PDE11A: variants seen among roughly 807,000 people sequenced by gnomAD.
PDE11A encodes dual 3',5'-cyclic-AMP and -GMP phosphodiesterase 11A.
In PDE11A, 100 loss-of-function variants were observed where a neutral mutation model predicts 100.5. The observed-to-expected ratio is 1.00, with a 90% confidence interval of 0.85 to 1.18. The LOEUF (loss-of-function observed/expected upper bound fraction) is 1.18. PDE11A is among the 50% of genes most tolerant of loss of function. PDE11A has a pLI of 0.00. For synonymous variants in PDE11A, 381 were observed against 420.8 expected, an observed-to-expected ratio of 0.91 and a Z score of 1.16; for missense variants, 1,141 against 1,152.6, an observed-to-expected ratio of 0.99 and a Z score of 0.15.
At chr2:177,630,478 G>A (rs1030492381) in intron 19 of PDE11A, among the ~76,000 whole-genome samples, 2 of 152,102 alleles carry the variant, frequency 1.3e-5, no homozygotes, top group African/African-American at 2.4e-5. Context: ...CCAAGATAGG[G>A]GGTAACATGG....
intron 9 of PDE11A, among the ~76,000 whole-genome samples, chr2:177,810,084 C>T (rs932211877): frequency 3.3e-5 from 4 of 119,858 alleles, no homozygotes; most frequent in Admixed American, 7.9e-5. Flanking sequence ...CAAATAAAAG[C>T]GCAACTCTGT....
intron 2 of PDE11A, among the ~76,000 whole-genome samples, chr2:177,922,552 C>G (rs2085067602): frequency 6.6e-6 from 1 of 152,214 alleles, no homozygotes; most frequent in Admixed American, 6.5e-5. Context: ...AAGGCACCAT[C>G]TTGCCACAAA....
At chr2:177,933,068 C>CCACACACACACACACA (rs58818826) in intron 2 of PDE11A, among the ~76,000 whole-genome samples, 2 of 146,898 alleles carry the variant, frequency 1.4e-5, no homozygotes, top group African/African-American at 2.5e-5. Context: ...TTTACAATAG[C>CCACACACACACACACA]CACACACACA....
chr2:177,873,494 AC>A (rs1385995238), intron 5 of PDE11A, among the ~76,000 whole-genome samples: 5 of 152,320 alleles, frequency 3.3e-5, no homozygotes, highest in East Asian at 1.9e-4. Context: ...AAAACCTCTT[AC>A]CAAAGACCTC....
intron 9 of PDE11A, among the ~76,000 whole-genome samples, chr2:177,810,171 A>G (rs1200019378): frequency 6.6e-6 from 1 of 152,212 alleles, no homozygotes; most frequent in Non-Finnish European, 1.5e-5. Flanking sequence ...CAAGACTGCC[A>G]CTAAGAGTGA....
At chr2:177,802,741 A>G (rs1171032026) in intron 9 of PDE11A, among the ~76,000 whole-genome samples, 2 of 152,022 alleles carry the variant, frequency 1.3e-5, no homozygotes, top group African/African-American at 4.8e-5. Context: ...GGGTGATAAT[A>G]TATCAAGACA....
chr2:177,626,191 A>T lies in PDE11A; in HGVS notation c.*3216T>A, dbSNP rs1194917943. ...GCTTGTAGGGTTTATGCTATAAATT[A>T]TGTTCCCCTTAGCAATATGTAGCAT... On this transcript the variant is annotated 3_prime_UTR_variant, in exon 20 of 20. Transcript: ENST00000286063. 1 of 152,658 alleles carries T rather than the reference A, an allele frequency of 6.6e-6. No homozygotes were observed. Among genetic ancestry groups the T allele is most frequent in the Non-Finnish European group, 1.5e-5 (1 of 68,036 alleles). 9.5% of individuals were successfully genotyped at this position (152,658 alleles called of 1,614,324 possible). A position where few individuals can be genotyped will look rare whatever the true frequency, so the allele number is the denominator to read the frequency against.
chr2:177,675,581 G>T, intron 16 of PDE11A, 63 bp from the exon 17 acceptor site: 1 of 1,160,148 alleles, frequency 8.6e-7, no homozygotes, highest in Non-Finnish European at 1.3e-6. Flanking sequence ...AAACAAACCC[G>T]TCCTAGATAC....
At chr2:177,728,309 C>G (rs181529173) in intron 10 of PDE11A, 137 bp from the exon 11 acceptor site, 4 of 688,310 alleles carry the variant, frequency 5.8e-6, no homozygotes, top group Admixed American at 2.1e-5. Context: ...CAGCTAAACT[C>G]TGAGCTGTAA....
At chr2:177,829,150 T>C (rs6746962) in intron 6 of PDE11A, among the ~76,000 whole-genome samples, 143,857 of 151,926 alleles carry the variant, frequency 0.95, 68,602 homozygotes, top group East Asian at 1. Context: ...CCTGAAGGAT[T>C]GTGTTGCCTC....
At chr2:177,635,183 AC>A (rs2080021192) in intron 19 of PDE11A, among the ~76,000 whole-genome samples, 1 of 152,088 alleles carries the variant, frequency 6.6e-6, no homozygotes, top group Admixed American at 6.5e-5. Flanking sequence ...TGAAATCTAT[AC>A]CCCTGTAACT....
intron 10 of PDE11A, among the ~76,000 whole-genome samples, chr2:177,767,812 A>T (rs1010552040): frequency 6.6e-6 from 1 of 152,178 alleles, no homozygotes. Flanking sequence ...ATTGAGTGTT[A>T]CTATGTCCCA....
chr2:177,798,168 T>A (rs2082732189), intron 9 of PDE11A, among the ~76,000 whole-genome samples: 1 of 152,190 alleles, frequency 6.6e-6, no homozygotes, highest in Admixed American at 6.5e-5. Flanking sequence ...TTAGAAATTG[T>A]ATAGCTCACT....
chr2:177,718,195 T>C (rs1273148830), intron 12 of PDE11A, among the ~76,000 whole-genome samples: 1 of 152,246 alleles, frequency 6.6e-6, no homozygotes, highest in Non-Finnish European at 1.5e-5. Context: ...CATTTAATCC[T>C]TACAAGAACT....
intron 5 of PDE11A, among the ~76,000 whole-genome samples, chr2:177,864,975 T>C (rs1165558608): frequency 6.6e-6 from 1 of 152,128 alleles, no homozygotes; most frequent in African/African-American, 2.4e-5. Flanking sequence ...GCAAAAAGCA[T>C]GGTCATTAAA....
intron 2 of PDE11A, among the ~76,000 whole-genome samples, chr2:178,097,283 C>T (rs575684933): frequency 9.2e-5 from 14 of 152,094 alleles, no homozygotes; most frequent in African/African-American, 3.1e-4. Flanking sequence ...AAGAAATACC[C>T]GAGACTAGGT....
At chr2:177,631,512 AATATATATATATATATATAT>A (rs1180694998) in intron 19 of PDE11A, among the ~76,000 whole-genome samples, 6 of 10,782 alleles carry the variant, frequency 5.6e-4, no homozygotes, top group Admixed American at 2.0e-3. Context: ...AAAAAAAAAA[AATATATATATATATATATAT>A]ATATATATAT....
intron 9 of PDE11A, among the ~76,000 whole-genome samples, chr2:177,782,523 T>C (rs928941490): frequency 2.7e-4 from 41 of 152,364 alleles, no homozygotes; most frequent in Middle Eastern, 3.4e-3. Context: ...TGAAATACTA[T>C]GGAAATTCAA....
chr2:177,916,257 T>C (rs2084952032), intron 2 of PDE11A, among the ~76,000 whole-genome samples: 1 of 152,234 alleles, frequency 6.6e-6, no homozygotes, highest in Non-Finnish European at 1.5e-5. Context: ...GTGGGTTGGC[T>C]ATGCAGGAAT....
Sources: allele counts gnomAD v4.1 joint callset (sites outside exome capture counted in the v4.1 genomes callset), GRCh38; gene constraint gnomAD v4.1.1; transcripts MANE v1.5; gene names NCBI Gene and HGNC (gene_info 2026-07-23, HGNC 2026-07-21).